Variants in CELF2 observed in about 807,000 individuals in gnomAD.
CELF2 encodes the protein CUGBP Elav-like family member 2.
In CELF2, 8 loss-of-function variants were observed where a neutral mutation model predicts 62.6. The observed-to-expected ratio is 0.13, with a 90% CI of 0.07 to 0.23. The LOEUF is 0.23. CELF2 is among the 10% of genes least tolerant of loss of function. The pLI is 1.00. For missense variants in CELF2, 333 were observed against 671.0 expected, an observed-to-expected ratio of 0.50 and a Z score of 5.56; for synonymous variants, 258 against 250.0, an observed-to-expected ratio of 1.03 and a Z score of -0.30.
intron 1 of CELF2, among the ~76,000 whole-genome samples, chr10:11,118,287 A>G (rs546625754): frequency 9.9e-5 from 15 of 152,184 alleles, no homozygotes; most frequent in East Asian, 5.8e-4. Context: ...ACTGTTTTCA[A>G]TAGGTCACCT....
At chr10:10,551,234 C>G in the CELF2 span, among the ~76,000 whole-genome samples, 4 of 152,154 alleles carry the variant, frequency 2.6e-5, no homozygotes, top group African/African-American at 9.7e-5. Flanking sequence ...TCTTAAGAGG[C>G]CTCTATGACC....
intron 4 of CELF2, 42 bp from the exon 5 acceptor site, chr10:11,257,696 A>G (rs1298238232): frequency 6.2e-7 from 1 of 1,602,516 alleles, no homozygotes; most frequent in East Asian, 2.2e-5. Context: ...CAAGAAAAAA[A>G]GATGAAATGG....
At chr10:10,807,445 G>T (rs1389965650) in intron 1 of CELF2, among the ~76,000 whole-genome samples, 2 of 152,144 alleles carry the variant, frequency 1.3e-5, no homozygotes, top group African/African-American at 4.8e-5. Flanking sequence ...TCCATTCAAA[G>T]CCTTGAACAT....
intron 1 of CELF2, among the ~76,000 whole-genome samples, chr10:10,828,581 G>T (rs768010372): frequency 1.3e-5 from 2 of 152,140 alleles, no homozygotes; most frequent in African/African-American, 2.4e-5. Context: ...CTGAAGATTA[G>T]TTACAAAGCA....
the CELF2 span, among the ~76,000 whole-genome samples, chr10:10,507,927 T>C: frequency 6.6e-6 from 1 of 152,212 alleles, no homozygotes; most frequent in Non-Finnish European, 1.5e-5. Context: ...AGCATCTAAT[T>C]AGTTTACAAC....
the CELF2 span, among the ~76,000 whole-genome samples, chr10:10,646,388 CA>C: frequency 6.6e-6 from 1 of 152,206 alleles, no homozygotes. Flanking sequence ...TGCTCATCCA[CA>C]AATCTCTCGT....
chr10:10,725,324 G>A, the CELF2 span, among the ~76,000 whole-genome samples: 1 of 152,176 alleles, frequency 6.6e-6, no homozygotes. Flanking sequence ...GTTTGACAGG[G>A]TGATAAACAA....
Position 11,024,112 on chromosome 10 carries a change from A to G in CELF2, c.74+5949A>G, listed in dbSNP as rs79910395. 1.6e-3 allele frequency among the ~76,000 whole-genome samples: 250 copies of G among 152,252 alleles called. 2 individuals carry two copies. In the East Asian group the frequency reaches 0.039, roughly 24 times the overall value. ...CGGCTTTATTAGTCTGTGTTTTTCT[A>G]TCAGGTTATGTGGCCTTTTACTTAA... On this transcript the variant is annotated intron_variant, in intron 1 of 12. Coordinates refer to ENST00000633077, the MANE Select transcript of CELF2 (RefSeq NM_001326342.2).
chr10:10,915,314 C>G (rs1265631801), intron 1 of CELF2, among the ~76,000 whole-genome samples: 1 of 152,146 alleles, frequency 6.6e-6, no homozygotes, highest in Admixed American at 6.5e-5. Flanking sequence ...TAGAAAATGT[C>G]TATACACTCA....
chr10:11,041,536 A>T (rs1292543667), intron 1 of CELF2, among the ~76,000 whole-genome samples: 1 of 152,218 alleles, frequency 6.6e-6, no homozygotes, highest in Admixed American at 6.5e-5. Flanking sequence ...ATGAGGATGA[A>T]AAAATAAAGT....
chr10:11,038,997 T>TC (rs1464869555), intron 1 of CELF2, among the ~76,000 whole-genome samples: 1 of 152,178 alleles, frequency 6.6e-6, no homozygotes, highest in East Asian at 1.9e-4. Flanking sequence ...TCTTGTTTCA[T>TC]CCCCTCAACC....
rs542347051 is a variant in CELF2 at position 11,246,167 on chromosome 10, C to T, written c.355-2986C>T. The stretch of plus-strand genomic sequence containing the variant: ...GCTCTATTTGTGCTCTTCTGTTTGT[C>T]CCTGTTTTTTATGTGGATGCGTATC... On this transcript the variant is annotated intron_variant, in intron 3 of 12. Coordinates refer to ENST00000633077, the MANE Select transcript of CELF2 (RefSeq NM_001326342.2). This position sits in a 1 kb window ranked among gnomAD's most constrained non-coding sequence, Gnocchi z 4.6. Among the ~76,000 whole-genome samples the T allele has an allele frequency of 1.6e-4, 24 of 152,174 alleles. No homozygotes were observed. Among genetic ancestry groups the T allele is most frequent in the Admixed American group, 9.2e-4 (14 of 15,288 alleles).
chr10:10,690,411 T>C, the CELF2 span, among the ~76,000 whole-genome samples: 429 of 152,348 alleles, frequency 2.8e-3, 4 homozygotes, highest in African/African-American at 9.4e-3. Context: ...ATCATGTGTA[T>C]GTGTGTGTAT....
chr10:10,531,445 C>A, the CELF2 span, among the ~76,000 whole-genome samples: 1 of 152,152 alleles, frequency 6.6e-6, no homozygotes, highest in African/African-American at 2.4e-5. Flanking sequence ...TTAAATCGTT[C>A]ATAGGACAAA....
chr10:10,895,421 G>A (rs2062473526), intron 1 of CELF2, among the ~76,000 whole-genome samples: 1 of 152,146 alleles, frequency 6.6e-6, no homozygotes, highest in Non-Finnish European at 1.5e-5. Context: ...AATGTAGAAA[G>A]TATGGCCGTT....
the CELF2 span, among the ~76,000 whole-genome samples, chr10:10,752,038 A>G: frequency 3.9e-5 from 6 of 152,228 alleles, no homozygotes; most frequent in East Asian, 9.6e-4. Context: ...GAATTGATGA[A>G]GGGGAAGTTT....
At chr10:10,577,531 C>T in the CELF2 span, among the ~76,000 whole-genome samples, 2 of 151,084 alleles carry the variant, frequency 1.3e-5, no homozygotes, top group Non-Finnish European at 2.9e-5. Flanking sequence ...CACAACAGTC[C>T]CCAGTGTGTG....
At chr10:11,248,406 G>A (rs1417723156) in intron 3 of CELF2, among the ~76,000 whole-genome samples, 1 of 151,962 alleles carries the variant, frequency 6.6e-6, no homozygotes, top group Non-Finnish European at 1.5e-5. Context: ...TGATCAGAAG[G>A]TGTCTCCCTC....
rs1013339387 is a variant in CELF2, at chr10:11,306,050, G to C, written c.977-8089G>C. 1.3e-5 allele frequency among the ~76,000 whole-genome samples: 2 copies of C among 152,154 alleles called. No homozygotes were observed. The highest frequency in any genetic ancestry group is 2.9e-5 in the Non-Finnish European group (2 of 68,036). ...ACGCCAGCTGGCCTGAACGTCCGTCGCCTGATTGATAGGTTTTAACCAGTG... is the reference window on the plus strand; with the variant it reads ...ACGCCAGCTGGCCTGAACGTCCGTCCCCTGATTGATAGGTTTTAACCAGTG... On this transcript the variant is annotated intron_variant, in intron 9 of 12. Transcript: ENST00000633077. The surrounding 1 kb of genome is among the most constrained non-coding windows in gnomAD (Gnocchi z 4.4).
Sources: allele counts gnomAD v4.1 joint callset (sites outside exome capture counted in the v4.1 genomes callset), GRCh38; gene constraint gnomAD v4.1.1; non-coding constraint Gnocchi (gnomAD v3.1); transcripts MANE v1.5; gene names NCBI Gene and HGNC (gene_info 2026-07-23, HGNC 2026-07-21).